Variants in MATN2 observed in about 807,000 individuals in gnomAD.
MATN2 encodes matrilin-2.
Under a neutral mutation model 103.2 loss-of-function variants are expected in MATN2, and 69 were observed. That is an observed-to-expected ratio of 0.67 (90% CI 0.55 to 0.82). MATN2 has a LOEUF of 0.82. MATN2 is among the 40% of genes least tolerant of loss of function. MATN2 has a pLI of 0.00. For synonymous variants in MATN2, 429 were observed against 450.2 expected (o/e 0.95, Z 0.60); for missense variants, 1,023 against 1,211.5 (o/e 0.84, Z 2.31).
At chr8:97,870,856 A>C (rs537197127) in intron 1 of MATN2, among the ~76,000 whole-genome samples, 18 of 152,342 alleles carry the variant, frequency 1.2e-4, no homozygotes, top group African/African-American at 4.8e-5. Flanking sequence ...GAAACTTGGC[A>C]CTTAGAATCC....
intron 5 of MATN2, among the ~76,000 whole-genome samples, chr8:97,969,461 A>G (rs1057263338): frequency 6.6e-6 from 1 of 152,250 alleles, no homozygotes; most frequent in Non-Finnish European, 1.5e-5. Context: ...ACTTAGCATT[A>G]TTATTACAAC....
chr8:98,013,844 C>T (rs995448580), intron 10 of MATN2, among the ~76,000 whole-genome samples: 3 of 152,202 alleles, frequency 2.0e-5, no homozygotes, highest in Non-Finnish European at 2.9e-5. Flanking sequence ...TGTGGTGGCT[C>T]ATGCCTGTAA....
intron 15 of MATN2, 71 bp from the exon 16 acceptor site, chr8:98,032,175 C>G: frequency 7.8e-7 from 1 of 1,278,284 alleles, no homozygotes; most frequent in Admixed American, 2.1e-5. Context: ...TGGTCTGGGA[C>G]CAGCTTCCTG....
At position 98,035,909 on chromosome 8, in the gene MATN2, C is replaced by T. The variant is rs1398629106; in HGVS notation, c.*197C>T. 3 of 404,406 alleles carry T rather than the reference C, an allele frequency of 7.4e-6. No homozygotes were observed. The highest frequency in any genetic ancestry group is 1.3e-5 in the Non-Finnish European group (3 of 226,466). 25.1% of individuals were successfully genotyped at this position (404,406 alleles called of 1,614,324 possible). On this transcript the variant is annotated 3_prime_UTR_variant, in exon 19 of 19. Transcript: ENST00000254898. ...GTATAAATTTATCTAGGAAAAAAAT[C>T]CTTCAGAATTCTAAGATGAATTTAC...
At chr8:97,893,915 G>A (rs1818718959) in intron 2 of MATN2, among the ~76,000 whole-genome samples, 1 of 152,176 alleles carries the variant, frequency 6.6e-6, no homozygotes, top group Non-Finnish European at 1.5e-5. Flanking sequence ...TCTGGTGGTG[G>A]TCTGTCTTAT....
intron 10 of MATN2, among the ~76,000 whole-genome samples, chr8:98,013,855 T>A: frequency 6.6e-6 from 1 of 152,180 alleles, no homozygotes; most frequent in East Asian, 1.9e-4. Context: ...ATGCCTGTAA[T>A]CCCAGCACTT....
rs756754159 is a variant in MATN2 at position 98,030,629 on chromosome 8, G to A, written c.2509+15G>A. The A allele has an allele frequency of 3.9e-5, 62 of 1,604,162 alleles. No individual in the cohort carries two copies. The highest frequency in any genetic ancestry group is 2.7e-4 in the East Asian group (12 of 44,794). On this transcript the variant is annotated intron_variant, in intron 15 of 18. Coordinates refer to ENST00000254898, the MANE Select transcript of MATN2 (RefSeq NM_002380.5). ...CATCTGTGAAGGTACTATAGCTTAC[G>A]CCGAAGACCTTAGCAAACAAGGCAG...
chr8:97,964,631 C>CCATA (rs1811426574), intron 5 of MATN2, among the ~76,000 whole-genome samples: 1 of 151,890 alleles, frequency 6.6e-6, no homozygotes, highest in African/African-American at 2.4e-5. Flanking sequence ...GACAGGGTCT[C>CCATA]CATACATTGT....
intron 6 of MATN2, among the ~76,000 whole-genome samples, chr8:97,993,860 T>C (rs1425783700): frequency 6.6e-6 from 1 of 152,184 alleles, no homozygotes; most frequent in African/African-American, 2.4e-5. Context: ...AGCTAAACCA[T>C]TCTCAGCCTG....
At chr8:97,910,633 G>A (rs1324499200) in intron 2 of MATN2, among the ~76,000 whole-genome samples, 1 of 152,224 alleles carries the variant, frequency 6.6e-6, no homozygotes, top group African/African-American at 2.4e-5. Context: ...GTAATATAAA[G>A]GCATGCAGGT....
At chr8:97,943,370 C>T (rs1044292947) in intron 4 of MATN2, among the ~76,000 whole-genome samples, 5 of 152,000 alleles carry the variant, frequency 3.3e-5, no homozygotes, top group African/African-American at 7.2e-5. Flanking sequence ...ATCTTGCCCA[C>T]TCCCTTCCTG....
At chr8:97,870,109 G>A (rs922038434) in intron 1 of MATN2, among the ~76,000 whole-genome samples, 3 of 152,166 alleles carry the variant, frequency 2.0e-5, no homozygotes, top group African/African-American at 4.8e-5. Context: ...GCCTGCTTGG[G>A]TTTCAACCCC....
chr8:97,956,618 G>T (rs1391726377), intron 4 of MATN2, among the ~76,000 whole-genome samples: 1 of 152,162 alleles, frequency 6.6e-6, no homozygotes, highest in African/African-American at 2.4e-5. Flanking sequence ...AAACTGACAT[G>T]TCACACTGGT....
intron 4 of MATN2, among the ~76,000 whole-genome samples, chr8:97,945,713 A>ATATATATATAT (rs1296035831): frequency 2.9e-5 from 2 of 69,472 alleles, no homozygotes; most frequent in African/African-American, 6.5e-5. Context: ...TAGAAAAAAA[A>ATATATATATAT]AAAAATATAT....
Position 97,936,107 on chromosome 8 carries a change from G to T in MATN2, c.712+4585G>T, listed in dbSNP as rs528303676. The stretch of plus-strand genomic sequence containing the variant: ...GCCACCCTTGAGACCACCAGGGAGA[G>T]GCCAGGTGCCCTGTGAATTGAGGTC... On this transcript the variant is annotated intron_variant, in intron 3 of 18. Transcript: ENST00000254898. 5.9e-5 allele frequency among the ~76,000 whole-genome samples: 9 copies of T among 152,306 alleles called. No individual in the cohort carries two copies. The South Asian group carries it at 1.7e-3, about 28-fold the overall frequency.
chr8:97,924,932 G>A (rs540213956), intron 2 of MATN2, among the ~76,000 whole-genome samples: 3 of 151,998 alleles, frequency 2.0e-5, no homozygotes, highest in Non-Finnish European at 4.4e-5. Flanking sequence ...TGCAGACTAC[G>A]GAGCCATCAC....
chr8:97,874,547 AG>A (rs1329627917), intron 1 of MATN2, among the ~76,000 whole-genome samples: 1 of 151,958 alleles, frequency 6.6e-6, no homozygotes, highest in Non-Finnish European at 1.5e-5. Context: ...TGGGACTACA[AG>A]GATTGTGCCA....
chr8:97,959,642 G>A (rs540174368), intron 4 of MATN2, among the ~76,000 whole-genome samples: 5 of 152,014 alleles, frequency 3.3e-5, no homozygotes, highest in Non-Finnish European at 7.4e-5. Flanking sequence ...TTATTGATTT[G>A]GGAGTGAAAC....
intron 14 of MATN2, 70 bp from the exon 15 acceptor site, chr8:98,030,392 G>A (rs1813969579): frequency 2.3e-6 from 3 of 1,320,044 alleles, no homozygotes; most frequent in African/African-American, 1.5e-5. Context: ...TTTGGGTGCA[G>A]TACACACAAC....
Sources: allele counts gnomAD v4.1 joint callset (sites outside exome capture counted in the v4.1 genomes callset), GRCh38; gene constraint gnomAD v4.1.1; transcripts MANE v1.5; gene names NCBI Gene and HGNC (gene_info 2026-07-23, HGNC 2026-07-21).